CSMD1: variants seen among roughly 807,000 people sequenced by gnomAD.
The protein encoded by CSMD1 is CUB and sushi domain-containing protein 1.
CSMD1 carries 213 observed loss-of-function variants against 417.5 expected under a neutral mutation model. That is an observed-to-expected ratio of 0.51 (90% CI 0.46 to 0.57). The LOEUF is 0.57. Among genes scored for constraint, CSMD1 ranks in the 20% least tolerant of loss-of-function variants. CSMD1 has a pLI of 0.00. For missense variants in CSMD1, 6,923 were observed against 4,529.7 expected, an observed-to-expected ratio of 1.53 and a Z score of -15.17; for synonymous variants, 2,862 against 1,736.8, an observed-to-expected ratio of 1.65 and a Z score of -16.11.
intron 4 of CSMD1, among the ~76,000 whole-genome samples, chr8:4,014,936 G>A (rs1313163945): frequency 6.6e-6 from 1 of 152,200 alleles, no homozygotes; most frequent in Non-Finnish European, 1.5e-5. Context: ...TTACAAGATT[G>A]TATGGGATGA....
chr8:3,202,081 T>C (rs1201951828), intron 31 of CSMD1, among the ~76,000 whole-genome samples: 1 of 152,144 alleles, frequency 6.6e-6, no homozygotes, highest in East Asian at 1.9e-4. Flanking sequence ...GGCAGGAGAA[T>C]GGCTTGAACC....
chr8:4,690,188 A>C (rs1449852627), intron 1 of CSMD1, among the ~76,000 whole-genome samples: 3 of 152,208 alleles, frequency 2.0e-5, no homozygotes, highest in Non-Finnish European at 4.4e-5. Flanking sequence ...TTTACATGTC[A>C]GTGCAGTTTT....
At chr8:4,126,276 C>T (rs1802759327) in intron 3 of CSMD1, among the ~76,000 whole-genome samples, 1 of 152,186 alleles carries the variant, frequency 6.6e-6, no homozygotes, top group Non-Finnish European at 1.5e-5. Context: ...GCATGAATCA[C>T]TCTTTCTTCA....
At chr8:3,610,791 G>C (rs2469328) in intron 8 of CSMD1, among the ~76,000 whole-genome samples, 110,651 of 151,830 alleles carry the variant, frequency 0.73, 40,816 homozygotes, top group Middle Eastern at 0.83. Context: ...CCCCACAGAT[G>C]CCTGGAAAGG....
chr8:3,776,072 T>C (rs940080643), intron 5 of CSMD1, among the ~76,000 whole-genome samples: 6 of 152,140 alleles, frequency 3.9e-5, no homozygotes, highest in African/African-American at 1.4e-4. Context: ...ACCTACCTTG[T>C]CCATACAAAT....
intron 3 of CSMD1, among the ~76,000 whole-genome samples, chr8:4,403,732 A>C (rs1025922438): frequency 1.3e-5 from 2 of 152,090 alleles, no homozygotes; most frequent in South Asian, 4.1e-4. Context: ...TTGCCTGCTG[A>C]TGACCTCATC....
chr8:4,042,301 G>A (rs1416274086), intron 3 of CSMD1, among the ~76,000 whole-genome samples: 2 of 152,146 alleles, frequency 1.3e-5, no homozygotes, highest in Admixed American at 1.3e-4. Context: ...GGGGGTAGGA[G>A]TAATGTTCTG....
At chr8:4,243,736 A>T (rs1454367459) in intron 3 of CSMD1, among the ~76,000 whole-genome samples, 1 of 152,174 alleles carries the variant, frequency 6.6e-6, no homozygotes, top group Non-Finnish European at 1.5e-5. Context: ...CACAAAAAAG[A>T]ACACTCATTT....
At chr8:4,485,191 T>G (rs1336857288) in intron 2 of CSMD1, among the ~76,000 whole-genome samples, 2 of 152,088 alleles carry the variant, frequency 1.3e-5, no homozygotes, top group African/African-American at 2.4e-5. Flanking sequence ...GAGAGTGTCC[T>G]TAATACTTCT....
intron 1 of CSMD1, among the ~76,000 whole-genome samples, chr8:4,942,674 C>A (rs774983803): frequency 1.6e-4 from 25 of 152,264 alleles, no homozygotes; most frequent in Middle Eastern, 3.4e-3. Flanking sequence ...TGAGTCACCG[C>A]ATATCACACT....
chr8:3,140,244 A>G (rs978453559), intron 41 of CSMD1, among the ~76,000 whole-genome samples: 3 of 152,130 alleles, frequency 2.0e-5, no homozygotes, highest in East Asian at 1.9e-4. Flanking sequence ...TCTTCCATTG[A>G]AAAAGAGAGA....
At chr8:2,980,871 C>G (rs1422448111) in intron 54 of CSMD1, among the ~76,000 whole-genome samples, 1 of 152,144 alleles carries the variant, frequency 6.6e-6, no homozygotes, top group Non-Finnish European at 1.5e-5. Context: ...TTACCTAGTT[C>G]ACTACCCTTA....
intron 39 of CSMD1, among the ~76,000 whole-genome samples, chr8:3,153,577 G>C (rs28579820): frequency 0.076 from 11,500 of 152,220 alleles, 497 homozygotes; most frequent in Middle Eastern, 0.13. Flanking sequence ...AGTAAATGTG[G>C]TATTACTAAA....
At chr8:3,735,316 A>T (rs951324927) in intron 6 of CSMD1, among the ~76,000 whole-genome samples, 2 of 92,618 alleles carry the variant, frequency 2.2e-5, no homozygotes, top group African/African-American at 5.8e-5. Context: ...AACAAACAAA[A>T]CACACAAACA....
intron 2 of CSMD1, among the ~76,000 whole-genome samples, chr8:4,607,192 T>C (rs896710755): frequency 5.3e-5 from 8 of 152,112 alleles, no homozygotes; most frequent in Non-Finnish European, 1.2e-4. Context: ...ATTGATAGTG[T>C]CGGCAGGAGT....
At chr8:4,053,962 G>A (rs1205882284) in intron 3 of CSMD1, among the ~76,000 whole-genome samples, 13 of 152,112 alleles carry the variant, frequency 8.5e-5, no homozygotes, top group Admixed American at 8.5e-4. Flanking sequence ...TTATTACCGT[G>A]CATTCAAAAG....
At chr8:4,474,784 G>A (rs1800712231) in intron 2 of CSMD1, among the ~76,000 whole-genome samples, 1 of 152,130 alleles carries the variant, frequency 6.6e-6, no homozygotes, top group Non-Finnish European at 1.5e-5. Context: ...AGCCTACTCA[G>A]CATGAAGACC....
chr8:3,517,528 C>A (rs1378494307), intron 10 of CSMD1, among the ~76,000 whole-genome samples: 1 of 152,166 alleles, frequency 6.6e-6, no homozygotes, highest in Non-Finnish European at 1.5e-5. Context: ...CAATGTCACA[C>A]AAGTCCCTGG....
At chr8:3,584,601 G>A (rs1800520561) in intron 9 of CSMD1, among the ~76,000 whole-genome samples, 1 of 152,038 alleles carries the variant, frequency 6.6e-6, no homozygotes, top group Non-Finnish European at 1.5e-5. Flanking sequence ...GAGAGTCAGG[G>A]CCAAGAAAGG....
Sources: gnomAD v4.1 joint callset for allele counts (sites outside exome capture counted in the v4.1 genomes callset) on GRCh38, gnomAD v4.1.1 for gene constraint, MANE v1.5 for transcripts, NCBI Gene and HGNC (gene_info 2026-07-23, HGNC 2026-07-21) for gene names.